Variants in NFATC2 observed in about 807,000 individuals in gnomAD.
The protein encoded by NFATC2 is nuclear factor of activated T-cells, cytoplasmic 2.
NFATC2 carries 22 observed loss-of-function variants against 87.3 expected under a neutral mutation model. That is an observed-to-expected ratio of 0.25 (90% CI 0.18 to 0.36). NFATC2 has a LOEUF of 0.36. NFATC2 is among the 10% of genes least tolerant of loss of function. The probability of loss-of-function intolerance (pLI) is 1.00; values close to 1 mark genes in which losing one functional copy is unlikely to be tolerated. For missense variants in NFATC2, 1,149 were observed against 1,259.1 expected (o/e 0.91, Z 1.32); for synonymous variants, 565 against 542.2 (o/e 1.04, Z -0.58).
chr20:51,432,548 T>C lies in NFATC2; in HGVS notation c.2241A>G (p.Pro747=), dbSNP rs759619175. The change falls in exon 9 of 11, where the codon CCA becomes CCG. Residue 747 remains proline (P), a synonymous_variant. Coordinates refer to ENST00000371564, the MANE Select transcript of NFATC2 (RefSeq NM_012340.5). This position sits in a 1 kb window ranked among gnomAD's most constrained non-coding sequence, Gnocchi z 4.6. The part of the protein sequence containing the change: ...SPDARYQQQN[P]AAVLYQRSKS... The stretch of plus-strand genomic sequence containing the variant: ...TGCTCCGCTGGTAGAGTACGGCCGC[T>C]GGGTTCTGTTGCTGGTAGCGGGCGT... 2 of 1,544,372 alleles carry C rather than the reference T, an allele frequency of 1.3e-6. No individual in the cohort carries two copies. The highest frequency in any genetic ancestry group is 2.0e-5 in the Admixed American group (1 of 49,398).
intron 1 of NFATC2, among the ~76,000 whole-genome samples, chr20:51,547,770 G>A (rs1251244919): frequency 1.3e-5 from 2 of 152,060 alleles, no homozygotes; most frequent in South Asian, 2.1e-4. Flanking sequence ...TTGAGTCCTC[G>A]CCTTTTCTCA....
rs759941056 is a variant in NFATC2 at position 51,432,613 on chromosome 20, C to T, written c.2176G>A (p.Ala726Thr). The T allele has an allele frequency of 6.5e-7, 1 of 1,529,728 alleles. No individual in the cohort carries two copies. The highest frequency in any genetic ancestry group is 8.8e-7 in the Non-Finnish European group (1 of 1,139,702). 94.8% of individuals were successfully genotyped at this position (1,529,728 alleles called of 1,614,324 possible). ...CCCGTGCGGAACTGCTGGCAGGGAG[C>T]CATGGTGGCCACGAGGCAGGAGGGG... Reference protein sequence around the residue: ...ESPSCLVATMAPCQQFRTGLS... With the variant: ...ESPSCLVATMTPCQQFRTGLS... Residue 726 changes from alanine (A) to threonine (T), a missense_variant, in exon 9 of 11, where the codon GCT (alanine) becomes ACT (threonine). By Grantham distance (58) the Ala-to-Thr change is moderately conservative (BLOSUM62 0). Coordinates refer to ENST00000371564, the MANE Select transcript of NFATC2 (RefSeq NM_012340.5). The surrounding 1 kb of genome is among the most constrained non-coding windows in gnomAD (Gnocchi z 4.6).
intron 5 of NFATC2, among the ~76,000 whole-genome samples, chr20:51,458,895 G>A (rs1986854176): frequency 6.6e-6 from 1 of 152,118 alleles, no homozygotes; most frequent in African/African-American, 2.4e-5. Context: ...GGTAATACAG[G>A]GCCCTGGGAG....
chr20:51,452,108 TTCA>T (rs1286047161), intron 6 of NFATC2, among the ~76,000 whole-genome samples: 3 of 152,104 alleles, frequency 2.0e-5, no homozygotes, highest in African/African-American at 7.2e-5. Context: ...AGACTTTACC[TTCA>T]TCATCTCTGA....
intron 3 of NFATC2, among the ~76,000 whole-genome samples, chr20:51,514,543 C>G (rs541067774): frequency 1.3e-5 from 2 of 152,228 alleles, no homozygotes; most frequent in African/African-American, 4.8e-5. Context: ...TGGCAGGTAG[C>G]ATGAAGGAAA....
At chr20:51,450,739 G>A (rs1004336683) in intron 6 of NFATC2, among the ~76,000 whole-genome samples, 3 of 152,182 alleles carry the variant, frequency 2.0e-5, no homozygotes, top group South Asian at 4.1e-4. Context: ...GACCACACAC[G>A]GAAAGTGGCA....
intron 5 of NFATC2, among the ~76,000 whole-genome samples, chr20:51,460,375 G>T (rs1987011305): frequency 6.6e-6 from 1 of 152,042 alleles, no homozygotes; most frequent in Non-Finnish European, 1.5e-5. Flanking sequence ...TGTAAAATGG[G>T]GCTGTTAACA....
At chr20:51,477,546 T>C (rs1353717567) in intron 3 of NFATC2, among the ~76,000 whole-genome samples, 6 of 89,792 alleles carry the variant, frequency 6.7e-5, no homozygotes, top group African/African-American at 3.5e-4. Flanking sequence ...TATATATATA[T>C]ATATATATAT....
At position 51,562,599 on chromosome 20, in the gene NFATC2, GC is replaced by G. The variant is rs1233717601; in HGVS notation, c.30del (p.His11ThrfsTer62). On this transcript the variant is annotated frameshift_variant, in exon 1 of 11. Transcript: ENST00000414705. LOFTEE classifies it high-confidence loss of function. The surrounding 1 kb of genome is among the most constrained non-coding windows in gnomAD (Gnocchi z 5.8). ...CCCATGATGCGGAGGGGATGGCAGT[GC>G]CCCAGTCTGAACGCAGCCTCTCTCT... The G allele has an allele frequency of 6.4e-7, 1 of 1,551,344 alleles. No homozygotes were observed.
At chr20:51,444,951 C>T (rs974211260) in intron 6 of NFATC2, among the ~76,000 whole-genome samples, 5 of 152,084 alleles carry the variant, frequency 3.3e-5, no homozygotes, top group Admixed American at 1.3e-4. Context: ...TCTCCTGCCC[C>T]ACTACTTCCT....
intron 1 of NFATC2, among the ~76,000 whole-genome samples, chr20:51,548,248 T>C (rs1232088174): frequency 2.0e-5 from 3 of 152,190 alleles, no homozygotes; most frequent in Non-Finnish European, 4.4e-5. Flanking sequence ...TACCTTACTT[T>C]GTTCATTTCA....
chr20:51,515,105 A>T (rs1277720380), intron 3 of NFATC2, among the ~76,000 whole-genome samples: 1 of 152,216 alleles, frequency 6.6e-6, no homozygotes, highest in Non-Finnish European at 1.5e-5. Flanking sequence ...GGCACCGCTC[A>T]GAGTGCCAGG....
chr20:51,434,613 C>T (rs887779020), intron 8 of NFATC2, among the ~76,000 whole-genome samples: 1 of 152,190 alleles, frequency 6.6e-6, no homozygotes, highest in Admixed American at 6.5e-5. Flanking sequence ...CTGTAGTGTT[C>T]ACAGCTGTGT....
At chr20:51,522,644 A>T (rs1472490401) in intron 2 of NFATC2, among the ~76,000 whole-genome samples, 3 of 151,292 alleles carry the variant, frequency 2.0e-5, no homozygotes, top group East Asian at 3.9e-4. Context: ...ACTTCCTCTT[A>T]TAATGAGATA....
chr20:51,402,662 ATTTCT>A (rs1225131752), intron 9 of NFATC2, among the ~76,000 whole-genome samples: 2 of 152,224 alleles, frequency 1.3e-5, no homozygotes, highest in Non-Finnish European at 2.9e-5. Flanking sequence ...TTAACCAAAC[ATTTCT>A]TTTAAGACAT....
chr20:51,393,207 C>T (rs1015303133), intron 10 of NFATC2, among the ~76,000 whole-genome samples: 2 of 152,070 alleles, frequency 1.3e-5, no homozygotes, highest in South Asian at 2.1e-4. Context: ...CTGGAGCCAG[C>T]GGGGTTAGAT....
At chr20:51,462,277 A>G (rs938512645) in intron 5 of NFATC2, among the ~76,000 whole-genome samples, 4 of 99,026 alleles carry the variant, frequency 4.0e-5, no homozygotes, top group Admixed American at 2.2e-4. Flanking sequence ...TCTGCTAATA[A>G]TACAAAAAAA....
intron 10 of NFATC2, among the ~76,000 whole-genome samples, chr20:51,397,472 G>C (rs1313119009): frequency 6.6e-6 from 1 of 152,224 alleles, no homozygotes; most frequent in Non-Finnish European, 1.5e-5. Flanking sequence ...TGAGCCGCTG[G>C]CTTGCCAAAG....
intron 10 of NFATC2, among the ~76,000 whole-genome samples, chr20:51,398,427 AT>A (rs1987547481): frequency 6.6e-6 from 1 of 152,038 alleles, no homozygotes; most frequent in Admixed American, 6.5e-5. Flanking sequence ...ATGGGGCCTC[AT>A]CCCCCCTTCT....
Sources: gnomAD v4.1 joint callset for allele counts (sites outside exome capture counted in the v4.1 genomes callset) on GRCh38, gnomAD v4.1.1 for gene constraint, Gnocchi (gnomAD v3.1) non-coding constraint, MANE v1.5 for transcripts, NCBI Gene and HGNC (gene_info 2026-07-23, HGNC 2026-07-21) for gene names.